TMEM132B: variants seen among roughly 807,000 people sequenced by gnomAD.
TMEM132B encodes the protein transmembrane protein 132B.
A neutral mutation model predicts 90.8 loss-of-function variants in TMEM132B; 18 were observed. The observed-to-expected ratio is 0.20, with a 90% CI of 0.14 to 0.29. The LOEUF (loss-of-function observed/expected upper bound fraction) is 0.29. TMEM132B is among the 10% of genes least tolerant of loss of function. TMEM132B has a pLI of 1.00. For synonymous variants in TMEM132B, 504 were observed against 523.3 expected, an observed-to-expected ratio of 0.96 and a Z score of 0.50; for missense variants, 1,096 against 1,326.8, an observed-to-expected ratio of 0.83 and a Z score of 2.70.
intron 2 of TMEM132B, among the ~76,000 whole-genome samples, chr12:125,370,929 G>A (rs1392892919): frequency 1.3e-5 from 2 of 152,204 alleles, no homozygotes; most frequent in African/African-American, 2.4e-5. Context: ...CTTGCAGATA[G>A]GCCATCTGCA....
In TMEM132B at chr12:125,397,719, G is replaced by A. The variant is rs114707140; in HGVS notation, c.960-17812G>A. On this transcript the variant is annotated intron_variant, in intron 2 of 8. Coordinates refer to ENST00000682704, the MANE Select transcript of TMEM132B (RefSeq NM_001366854.1). ...GACAGAAGAGAAGACTTTCTGCATT[G>A]GGGAACCTCTGTCATGTCAGAATTT... 8.4e-3 allele frequency among the ~76,000 whole-genome samples: 1,281 copies of A among 152,282 alleles called. 22 individuals are homozygous for A. Among genetic ancestry groups the A allele is most frequent in the African/African-American group, 0.028 (1,177 of 41,556 alleles).
chr12:125,274,260 G>T (rs943703517), intron 1 of TMEM132B, among the ~76,000 whole-genome samples: 1 of 152,124 alleles, frequency 6.6e-6, no homozygotes, highest in African/African-American at 2.4e-5. Flanking sequence ...TCCATTCTAG[G>T]AATGTTCCAG....
chr12:125,412,370 G>A (rs1344491882), intron 2 of TMEM132B, among the ~76,000 whole-genome samples: 1 of 152,206 alleles, frequency 6.6e-6, no homozygotes, highest in Non-Finnish European at 1.5e-5. Context: ...GAGCTAAAGT[G>A]TGAGACATTA....
At chr12:125,412,557 G>A (rs1205117597) in intron 2 of TMEM132B, among the ~76,000 whole-genome samples, 1 of 152,216 alleles carries the variant, frequency 6.6e-6, no homozygotes, top group Non-Finnish European at 1.5e-5. Flanking sequence ...CCTTCAGCCG[G>A]TCGTGCGCTA....
At chr12:125,549,807 C>T (rs771811193) in intron 4 of TMEM132B, among the ~76,000 whole-genome samples, 1 of 152,180 alleles carries the variant, frequency 6.6e-6, no homozygotes, top group Non-Finnish European at 1.5e-5. Context: ...AGATTTTGAA[C>T]ACCCAGTAGA....
intron 2 of TMEM132B, among the ~76,000 whole-genome samples, chr12:125,365,565 C>T (rs1482199612): frequency 6.6e-6 from 1 of 151,974 alleles, no homozygotes; most frequent in Non-Finnish European, 1.5e-5. Context: ...TATGACTTCT[C>T]TTGGCAATTT....
At chr12:125,197,242 C>T (rs1294420028) in intron 1 of TMEM132B, among the ~76,000 whole-genome samples, 1 of 152,138 alleles carries the variant, frequency 6.6e-6, no homozygotes, top group Non-Finnish European at 1.5e-5. Flanking sequence ...AAAAATTCTT[C>T]CTCTGTTCAT....
At chr12:125,559,159 A>G (rs1250674402) in intron 4 of TMEM132B, among the ~76,000 whole-genome samples, 2 of 152,198 alleles carry the variant, frequency 1.3e-5, no homozygotes, top group African/African-American at 4.8e-5. Flanking sequence ...TGAGGCCAGG[A>G]GCTTAAGACC....
chr12:125,515,848 C>T (rs1238599133), intron 3 of TMEM132B, among the ~76,000 whole-genome samples: 3 of 151,536 alleles, frequency 2.0e-5, no homozygotes, highest in Non-Finnish European at 4.4e-5. Flanking sequence ...ACACACACCT[C>T]CACACATTCT....
At chr12:125,505,856 C>CAAAA (rs1405893822) in intron 3 of TMEM132B, among the ~76,000 whole-genome samples, 4 of 152,118 alleles carry the variant, frequency 2.6e-5, no homozygotes, top group Non-Finnish European at 5.9e-5. Flanking sequence ...CCTCAGGGCC[C>CAAAA]TGTGTGACGA....
intron 4 of TMEM132B, among the ~76,000 whole-genome samples, chr12:125,552,878 G>C (rs909815287): frequency 6.6e-6 from 1 of 152,358 alleles, no homozygotes; most frequent in Admixed American, 6.5e-5. Flanking sequence ...TCAGGAGAGC[G>C]GCAGAGGGCC....
chr12:125,246,812 T>C lies in TMEM132B; in HGVS notation c.67+59946T>C, dbSNP rs1469910926. 1.3e-5 allele frequency among the ~76,000 whole-genome samples: 2 copies of C among 152,178 alleles called. No homozygotes were observed. Reference sequence around the variant, plus strand: ...TGCAGTCTGGAGGCATCTGTCATTTTGAATCCATCTGCTTGTTAGGCACTT... The same window carrying C: ...TGCAGTCTGGAGGCATCTGTCATTTCGAATCCATCTGCTTGTTAGGCACTT... On this transcript the variant is annotated intron_variant, in intron 1 of 8. Coordinates refer to ENST00000682704, the MANE Select transcript of TMEM132B (RefSeq NM_001366854.1). This position sits in a 1 kb window ranked among gnomAD's most constrained non-coding sequence, Gnocchi z 4.2.
At chr12:125,307,993 ATATATATAAGTAATATAAG>A (rs1876034174) in intron 1 of TMEM132B, among the ~76,000 whole-genome samples, 1 of 137,732 alleles carries the variant, frequency 7.3e-6, no homozygotes, top group Non-Finnish European at 1.5e-5. Context: ...AGTAATATAA[ATATATATAAGTAATATAAG>A]TATATATAAG....
chr12:125,408,128 C>T lies in TMEM132B; in HGVS notation c.960-7403C>T, dbSNP rs1032957402. ...TTTCCACGAACGGAATTGCACAGTG[C>T]GCGCTTTTGGTACCTGGCTTCTTCC... On this transcript the variant is annotated intron_variant, in intron 2 of 8. Coordinates refer to ENST00000682704, the MANE Select transcript of TMEM132B (RefSeq NM_001366854.1). The surrounding 1 kb of genome is among the most constrained non-coding windows in gnomAD (Gnocchi z 5.9). Among the ~76,000 whole-genome samples the T allele has an allele frequency of 2.0e-5, 3 of 152,150 alleles. No individual in the cohort carries two copies. The highest frequency in any genetic ancestry group is 4.1e-4 in the South Asian group (2 of 4,826).
chr12:125,499,779 C>A (rs192298262), intron 3 of TMEM132B, among the ~76,000 whole-genome samples: 4 of 152,304 alleles, frequency 2.6e-5, no homozygotes, highest in Admixed American at 2.0e-4. Context: ...TTTGCTGCAA[C>A]TGTTACTGCT....
intron 2 of TMEM132B, among the ~76,000 whole-genome samples, chr12:125,376,659 G>A (rs1339091464): frequency 6.6e-6 from 1 of 152,206 alleles, no homozygotes; most frequent in Non-Finnish European, 1.5e-5. Context: ...TTCCTGCAGG[G>A]GAGAAGCTCC....
intron 1 of TMEM132B, among the ~76,000 whole-genome samples, chr12:125,336,517 T>G (rs1040129573): frequency 6.6e-6 from 1 of 152,256 alleles, no homozygotes; most frequent in Non-Finnish European, 1.5e-5. Context: ...TTACATGGTT[T>G]GCATTCTTTC....
At chr12:125,554,396 G>A (rs1884317612) in intron 4 of TMEM132B, among the ~76,000 whole-genome samples, 1 of 129,070 alleles carries the variant, frequency 7.7e-6, no homozygotes, top group Non-Finnish European at 1.6e-5. Context: ...CTGCACTCTA[G>A]CCTGGGCGAC....
chr12:125,201,239 A>G (rs1873050687), intron 1 of TMEM132B, among the ~76,000 whole-genome samples: 1 of 152,198 alleles, frequency 6.6e-6, no homozygotes, highest in Non-Finnish European at 1.5e-5. Context: ...TCATTTACAC[A>G]GGCTCCGAAG....
Sources: gnomAD v4.1 joint callset for allele counts (sites outside exome capture counted in the v4.1 genomes callset) on GRCh38, gnomAD v4.1.1 for gene constraint, Gnocchi (gnomAD v3.1) non-coding constraint, MANE v1.5 for transcripts, NCBI Gene and HGNC (gene_info 2026-07-23, HGNC 2026-07-21) for gene names.